Variants in CDK8 observed in about 807,000 individuals in gnomAD.
The protein encoded by CDK8 is cyclin-dependent kinase 8.
In CDK8, 29 loss-of-function variants were observed where a neutral mutation model predicts 71.5. The ratio of observed to expected loss-of-function variants is 0.41; its 90% CI spans 0.30 to 0.55. The LOEUF is 0.55. Among genes scored for constraint, CDK8 ranks in the 20% least tolerant of loss-of-function variants. The pLI, the probability that CDK8 is intolerant of heterozygous loss-of-function variation, is 0.37. For missense variants in CDK8, 288 were observed against 572.6 expected (o/e 0.50, Z 5.07); for synonymous variants, 161 against 192.1 (o/e 0.84, Z 1.34).
intron 4 of CDK8, among the ~76,000 whole-genome samples, chr13:26,369,526 ATTTTT>A (rs1203523401): frequency 2.0e-5 from 2 of 98,440 alleles, no homozygotes; most frequent in Non-Finnish European, 3.8e-5. Context: ...AGGTTGGACG[ATTTTT>A]TTTTTTTTTT....
At chr13:26,272,176 T>C (rs1872358505) in intron 1 of CDK8, among the ~76,000 whole-genome samples, 1 of 152,098 alleles carries the variant, frequency 6.6e-6, no homozygotes, top group Non-Finnish European at 1.5e-5. Context: ...TATATCCTTA[T>C]TCTGTAAGCT....
intron 1 of CDK8, among the ~76,000 whole-genome samples, chr13:26,269,362 A>C (rs1479517348): frequency 6.6e-6 from 1 of 152,208 alleles, no homozygotes; most frequent in Non-Finnish European, 1.5e-5. Flanking sequence ...GCTGTGCTTG[A>C]GAATTTAAAC....
chr13:26,294,441 G>A (rs1873448824), intron 1 of CDK8, among the ~76,000 whole-genome samples: 1 of 152,216 alleles, frequency 6.6e-6, no homozygotes, highest in Admixed American at 6.5e-5. Flanking sequence ...ATAGCCAGTA[G>A]TAGGATGGTT....
chr13:26,298,422 C>A (rs1873665298), intron 1 of CDK8, among the ~76,000 whole-genome samples: 1 of 152,114 alleles, frequency 6.6e-6, no homozygotes, highest in Non-Finnish European at 1.5e-5. Flanking sequence ...TTCTTTCTAC[C>A]TTTCTTGAGG....
intron 7 of CDK8, among the ~76,000 whole-genome samples, chr13:26,395,626 A>ATG (rs1337062944): frequency 2.0e-5 from 3 of 152,158 alleles, no homozygotes; most frequent in African/African-American, 7.2e-5. Context: ...AGCAACTTGG[A>ATG]TGCCAGCAAA....
At chr13:26,344,078 A>G (rs992165906) in intron 2 of CDK8, among the ~76,000 whole-genome samples, 4 of 152,036 alleles carry the variant, frequency 2.6e-5, no homozygotes, top group Non-Finnish European at 5.9e-5. Context: ...CCCAGTATCT[A>G]TTGTTGCTAT....
chr13:26,315,187 A>T (rs1451556957), intron 1 of CDK8, among the ~76,000 whole-genome samples: 8 of 152,230 alleles, frequency 5.3e-5, no homozygotes, highest in Admixed American at 2.0e-4. Context: ...TAGTTTCTAT[A>T]CACAATTCAA....
intron 4 of CDK8, among the ~76,000 whole-genome samples, chr13:26,358,196 G>A (rs1439078830): frequency 2.0e-5 from 3 of 152,274 alleles, no homozygotes; most frequent in Non-Finnish European, 1.5e-5. Context: ...CTACTTGGGA[G>A]GTTGAGGCAG....
chr13:26,371,203 T>C (rs2138027938), intron 4 of CDK8, among the ~76,000 whole-genome samples: 1 of 152,270 alleles, frequency 6.6e-6, no homozygotes, highest in East Asian at 1.9e-4. Flanking sequence ...TATAATGTAT[T>C]TAGGACTTTT....
At chr13:26,329,484 T>G (rs1415312811) in intron 1 of CDK8, among the ~76,000 whole-genome samples, 1 of 31,926 alleles carries the variant, frequency 3.1e-5, no homozygotes, top group African/African-American at 8.1e-5. Flanking sequence ...TTTTTTTTTG[T>G]TTTTTTTTTG....
intron 1 of CDK8, among the ~76,000 whole-genome samples, chr13:26,267,135 G>T (rs1445892798): frequency 6.6e-6 from 1 of 152,038 alleles, no homozygotes; most frequent in Admixed American, 6.5e-5. Context: ...AATATCAGAT[G>T]ATACATATGC....
intron 4 of CDK8, among the ~76,000 whole-genome samples, chr13:26,374,043 A>AAAAAAAAAAAAAT (rs147290719): frequency 2.7e-5 from 3 of 111,858 alleles, no homozygotes; most frequent in Admixed American, 1.1e-4. Flanking sequence ...AAAAACAAAA[A>AAAAAAAAAAAAAT]ACAAAAAATT....
intron 1 of CDK8, among the ~76,000 whole-genome samples, chr13:26,310,770 G>C (rs1457681710): frequency 6.6e-6 from 1 of 152,118 alleles, no homozygotes; most frequent in Non-Finnish European, 1.5e-5. Flanking sequence ...GGGGGTTGTG[G>C]ACCTCTGCTC....
intron 1 of CDK8, among the ~76,000 whole-genome samples, chr13:26,320,322 G>T (rs1337610569): frequency 6.6e-6 from 1 of 152,018 alleles, no homozygotes; most frequent in African/African-American, 2.4e-5. Context: ...GGGTCGGGAG[G>T]ATCGCTTGAG....
intron 1 of CDK8, among the ~76,000 whole-genome samples, chr13:26,300,519 G>A (rs1323816198): frequency 6.6e-6 from 1 of 152,156 alleles, no homozygotes; most frequent in East Asian, 1.9e-4. Context: ...AGCCAACCAT[G>A]GATTGGGCGG....
chr13:26,389,867 G>A (rs1441605890), intron 6 of CDK8, among the ~76,000 whole-genome samples: 3 of 151,838 alleles, frequency 2.0e-5, no homozygotes, highest in African/African-American at 7.3e-5. Flanking sequence ...GCATGGTGGC[G>A]GGCACCTGTA....
At chr13:26,342,816 A>G (rs1873299723) in intron 2 of CDK8, among the ~76,000 whole-genome samples, 1 of 152,224 alleles carries the variant, frequency 6.6e-6, no homozygotes, top group African/African-American at 2.4e-5. Flanking sequence ...AGTTGCCCTA[A>G]CAAAATACTA....
intron 2 of CDK8, among the ~76,000 whole-genome samples, chr13:26,345,528 T>C (rs1167111950): frequency 6.6e-6 from 1 of 151,998 alleles, no homozygotes; most frequent in African/African-American, 2.4e-5. Flanking sequence ...ATTACAGGTG[T>C]GTGCCACCAC....
At chr13:26,392,936 A>G (rs975806913) in intron 6 of CDK8, among the ~76,000 whole-genome samples, 35 of 152,150 alleles carry the variant, frequency 2.3e-4, no homozygotes, top group African/African-American at 8.2e-4. Context: ...GCGAGTGCCC[A>G]ATTTCAAATA....
Sources: allele counts gnomAD v4.1 joint callset (sites outside exome capture counted in the v4.1 genomes callset), GRCh38; gene constraint gnomAD v4.1.1; transcripts MANE v1.5; gene names NCBI Gene and HGNC (gene_info 2026-07-23, HGNC 2026-07-21).